Variants in GLYR1 observed in about 807,000 individuals in gnomAD.
The protein encoded by GLYR1 is cytokine-like nuclear factor N-PAC.
In GLYR1, 21 loss-of-function variants were observed where a neutral mutation model predicts 72.7. That is an observed-to-expected ratio of 0.29 (90% CI 0.20 to 0.42). GLYR1 has a LOEUF of 0.42. GLYR1 is among the 10% of genes least tolerant of loss of function. The pLI is 1.00. For synonymous variants in GLYR1, 392 were observed against 270.2 expected (o/e 1.45, Z -4.42); for missense variants, 594 against 712.1 (o/e 0.83, Z 1.89).
intron 9 of GLYR1, chr16:4,821,128 C>G (rs564285972): frequency 3.0e-5 from 17 of 563,660 alleles, no homozygotes; most frequent in Admixed American, 2.1e-4. Context: ...AACCACTGAG[C>G]CAAGTGCTCC....
chr16:4,813,935 T>A (rs1376562559), intron 11 of GLYR1, 97 bp from the exon 12 acceptor site: 6 of 897,862 alleles, frequency 6.7e-6, no homozygotes, highest in Non-Finnish European at 9.8e-6. Context: ...CTGTTTTGGC[T>A]CATTTCCTGA....
chr16:4,830,370 C>T (rs191128163), intron 5 of GLYR1, among the ~76,000 whole-genome samples: 7 of 152,178 alleles, frequency 4.6e-5, no homozygotes, highest in Admixed American at 1.3e-4. Context: ...TTCCCAGCTT[C>T]TCTTGAGAAA....
chr16:4,835,337 G>C (rs139536927), intron 3 of GLYR1, among the ~76,000 whole-genome samples: 114 of 152,292 alleles, frequency 7.5e-4, no homozygotes, highest in African/African-American at 2.4e-3. Flanking sequence ...TCTGCTAGAA[G>C]GAACTGTACA....
In GLYR1 at chr16:4,821,141, G is replaced by C. The variant is rs976546404; in HGVS notation, c.806+239C>G. On this transcript the variant is annotated intron_variant, in intron 9 of 15. Coordinates refer to ENST00000321919, the MANE Select transcript of GLYR1 (RefSeq NM_032569.4). The stretch of plus-strand genomic sequence containing the variant: ...AGAACCACTGAGCCAAGTGCTCCTT[G>C]CTCTTGAGTTCTGGAGCCAAAAAAA... The C allele has an allele frequency of 7.0e-6, 4 of 575,386 alleles. No homozygotes were observed. In the African/African-American group the frequency reaches 7.5e-5, roughly 11 times the overall value. 35.6% of individuals were successfully genotyped at this position (575,386 alleles called of 1,614,324 possible).
At position 4,824,498 on chromosome 16, in the gene GLYR1, C is replaced by CAAA. The variant is rs142627380; in HGVS notation, c.538-594_538-592dup. On this transcript the variant is annotated intron_variant, in intron 5 of 15. Coordinates refer to ENST00000321919, the MANE Select transcript of GLYR1 (RefSeq NM_032569.4). ...CTGGAGACAGAGCAAGACTCCATCTCAAAAAAAAAAAAAAAAAGAAAAAAA... is the reference window on the plus strand; with the variant it reads ...CTGGAGACAGAGCAAGACTCCATCTCAAAAAAAAAAAAAAAAAAAAGAAAAAAA... 3.3e-3 allele frequency among the ~76,000 whole-genome samples: 318 copies of CAAA among 95,100 alleles called. 2 individuals are homozygous for CAAA. The highest frequency in any genetic ancestry group is 5.2e-3 in the African/African-American group (120 of 23,274). 62.4% of individuals were successfully genotyped at this position (95,100 alleles called of 152,430 possible). A position where few individuals can be genotyped will look rare whatever the true frequency, so the allele number is the denominator to read the frequency against.
Position 4,805,143 on chromosome 16 carries a change from C to T in GLYR1, c.*93G>A, listed in dbSNP as rs2082894416. 1 of 989,666 alleles carries T rather than the reference C, an allele frequency of 1.0e-6. No individual in the cohort carries two copies. The highest frequency in any genetic ancestry group is 1.6e-6 in the Non-Finnish European group (1 of 625,006). 61.3% of individuals were successfully genotyped at this position (989,666 alleles called of 1,614,324 possible). On this transcript the variant is annotated 3_prime_UTR_variant, in exon 16 of 16. Coordinates refer to ENST00000321919, the MANE Select transcript of GLYR1 (RefSeq NM_032569.4). ...ATAAAAGGAAATGGAGATAGGTGGG[C>T]TGGTCCAGAATGAACTCCCAGGCCC...
At position 4,804,210 on chromosome 16, in the gene GLYR1, G is replaced by C. The variant is rs1429952990; in HGVS notation, c.*1026C>G. 2.0e-5 allele frequency: 3 copies of C among 152,846 alleles called. No individual in the cohort carries two copies. The highest frequency in any genetic ancestry group is 6.5e-5 in the Admixed American group (1 of 15,282). The allele number at this position is 152,846 out of a possible 1,614,324, so 9.5% of individuals were successfully genotyped here. A position where few individuals can be genotyped will look rare whatever the true frequency, so the allele number is the denominator to read the frequency against. ...CCACGGGAGGAAGAGGGAGAGGAGG[G>C]AGGATGGAGAGCGGTGGGCATGCAG... On this transcript the variant is annotated 3_prime_UTR_variant, in exon 16 of 16. Transcript: ENST00000321919.
intron 3 of GLYR1, among the ~76,000 whole-genome samples, chr16:4,842,312 T>G: frequency 6.6e-6 from 1 of 152,070 alleles, no homozygotes; most frequent in African/African-American, 2.4e-5. Context: ...GTCAGTCTTC[T>G]TGGTTCTCAT....
chr16:4,830,641 C>G (rs1246170011), intron 5 of GLYR1, among the ~76,000 whole-genome samples: 1 of 152,200 alleles, frequency 6.6e-6, no homozygotes, highest in African/African-American at 2.4e-5. Context: ...CTGTTGCTGC[C>G]AGCCATCTGG....
At chr16:4,808,952 G>T (rs1429342738) in intron 15 of GLYR1, among the ~76,000 whole-genome samples, 1 of 152,100 alleles carries the variant, frequency 6.6e-6, no homozygotes, top group Non-Finnish European at 1.5e-5. Context: ...GCAAGAGAGT[G>T]AGACTGTGTC....
intron 3 of GLYR1, among the ~76,000 whole-genome samples, chr16:4,835,027 G>A (rs1356375297): frequency 3.3e-5 from 5 of 152,290 alleles, no homozygotes; most frequent in African/African-American, 1.2e-4. Context: ...TATCAAGGAT[G>A]AAGCTTAAGG....
At chr16:4,811,100 G>GT in intron 15 of GLYR1, 70 bp downstream of exon 15, 15 of 1,391,470 alleles carry the variant, frequency 1.1e-5, no homozygotes, top group Non-Finnish European at 1.5e-5. Flanking sequence ...GTGAGACTCC[G>GT]TTAAAAAAAA....
At chr16:4,838,087 A>C (rs946366943) in intron 3 of GLYR1, among the ~76,000 whole-genome samples, 1 of 151,952 alleles carries the variant, frequency 6.6e-6, no homozygotes. Flanking sequence ...GTGCCTTTTT[A>C]AAAAAAATCC....
At chr16:4,825,887 C>A (rs1056744704) in intron 5 of GLYR1, among the ~76,000 whole-genome samples, 1 of 152,078 alleles carries the variant, frequency 6.6e-6, no homozygotes, top group African/African-American at 2.4e-5. Context: ...CTCCTGACCT[C>A]GTGATCCGCC....
chr16:4,807,095 T>C (rs375335965), intron 15 of GLYR1, among the ~76,000 whole-genome samples: 1,664 of 144,006 alleles, frequency 0.012, 40 homozygotes, highest in African/African-American at 0.04. Flanking sequence ...CGTGAGCCAC[T>C]GCGCCTGGCC....
At chr16:4,823,547 C>T (rs554762073) in intron 6 of GLYR1, among the ~76,000 whole-genome samples, 1 of 152,142 alleles carries the variant, frequency 6.6e-6, no homozygotes, top group South Asian at 2.1e-4. Context: ...GAAAAAGAAC[C>T]CTGCCCAAAA....
At chr16:4,829,640 C>A (rs999697114) in intron 5 of GLYR1, among the ~76,000 whole-genome samples, 3 of 151,554 alleles carry the variant, frequency 2.0e-5, no homozygotes, top group Non-Finnish European at 4.4e-5. Context: ...GCACACACCA[C>A]CAACCCCAGC....
At chr16:4,816,467 A>G (rs1291553875) in intron 10 of GLYR1, among the ~76,000 whole-genome samples, 2 of 152,138 alleles carry the variant, frequency 1.3e-5, no homozygotes, top group Non-Finnish European at 2.9e-5. Flanking sequence ...GCACCCTACT[A>G]ATTTTTTTGT....
rs376862459 is a variant in GLYR1 at position 4,845,047 on chromosome 16, G to A, written c.155+27C>T. 16 of 1,488,722 alleles carry A rather than the reference G, an allele frequency of 1.1e-5. No individual in the cohort carries two copies. The African/African-American group carries it at 2.1e-4, about 19-fold the overall frequency. 92.2% of individuals were successfully genotyped at this position (1,488,722 alleles called of 1,614,324 possible). ...CAGGTAACACAGAAAGAAAGGCGAA[G>A]GGAGACTCCTGGTGAGTACTACTCA... On this transcript the variant is annotated intron_variant, in intron 3 of 15. Transcript: ENST00000321919.
Sources: gnomAD v4.1 joint callset for allele counts (sites outside exome capture counted in the v4.1 genomes callset) on GRCh38, gnomAD v4.1.1 for gene constraint, MANE v1.5 for transcripts, NCBI Gene and HGNC (gene_info 2026-07-23, HGNC 2026-07-21) for gene names.